Variants in BTAF1 observed in about 807,000 individuals in gnomAD.
BTAF1 encodes B-TFIID TATA-box binding protein associated factor 1.
A neutral mutation model predicts 227.1 loss-of-function variants in BTAF1; 38 were observed. That is an observed-to-expected ratio of 0.17 (90% CI 0.13 to 0.22). The LOEUF is 0.22. Among genes scored for constraint, BTAF1 ranks in the 10% least tolerant of loss-of-function variants. The pLI, the probability that BTAF1 is intolerant of heterozygous loss-of-function variation, is 1.00. For missense variants in BTAF1, 1,598 were observed against 2,204.0 expected (o/e 0.73, Z 5.51); for synonymous variants, 742 against 751.9 (o/e 0.99, Z 0.21).
At chr10:92,009,452 G>A (rs1850155617) in intron 28 of BTAF1, among the ~76,000 whole-genome samples, 1 of 152,194 alleles carries the variant, frequency 6.6e-6, no homozygotes, top group African/African-American at 2.4e-5. Flanking sequence ...AGGAACCAAA[G>A]CCATTTTGTA....
chr10:91,950,776 C>T (rs1050709138), intron 4 of BTAF1, among the ~76,000 whole-genome samples: 30 of 150,284 alleles, frequency 2.0e-4, no homozygotes, highest in African/African-American at 7.3e-4. Flanking sequence ...TGAGAGCTTT[C>T]GTAGGAGGTA....
At position 91,957,232 on chromosome 10, in the gene BTAF1, A is replaced by G. The variant is rs145741532; in HGVS notation, c.839A>G (p.Glu280Gly). Residue 280 changes from glutamate (E) to glycine (G), a missense_variant, in exon 8 of 38, where the codon GAA (glutamate) becomes GGA (glycine). By Grantham distance (98) the Glu-to-Gly change is moderately conservative. This residue lies in a region of BTAF1 where 298 missense variants were observed against 395.2 expected (regional missense o/e 0.75). Coordinates refer to ENST00000265990, the MANE Select transcript of BTAF1 (RefSeq NM_003972.3). The part of the protein sequence containing the change: ...DSSSLIEETN[E>G]WPLESFCEEL... ...TCTGTTTTTCTTATTCAGACAAATG[A>G]ATGGCCTTTGGAAAGCTTTTGTGAA... is the stretch of plus-strand genomic sequence containing the variant. The G allele has an allele frequency of 1.9e-6, 3 of 1,612,470 alleles. No homozygotes were observed. The highest frequency in any genetic ancestry group is 2.7e-5 in the African/African-American group (2 of 74,900).
At chr10:92,000,696 T>C (rs1254373055) in intron 25 of BTAF1, among the ~76,000 whole-genome samples, 1 of 152,088 alleles carries the variant, frequency 6.6e-6, no homozygotes, top group Non-Finnish European at 1.5e-5. Context: ...TAGCTGAGAT[T>C]ACAGGTGCTG....
At chr10:92,017,054 T>C (rs911274644) in intron 33 of BTAF1, among the ~76,000 whole-genome samples, 1 of 152,224 alleles carries the variant, frequency 6.6e-6, no homozygotes, top group African/African-American at 2.4e-5. Flanking sequence ...TACATGGCAG[T>C]AATTTTTCAA....
intron 25 of BTAF1, among the ~76,000 whole-genome samples, chr10:92,007,286 T>G (rs964004573): frequency 1.5e-5 from 2 of 134,548 alleles, no homozygotes; most frequent in Non-Finnish European, 3.1e-5. Flanking sequence ...TGGCACAATC[T>G]CAGCTCACTG....
chr10:92,002,017 C>A (rs1156435889), intron 25 of BTAF1, among the ~76,000 whole-genome samples: 1 of 74,966 alleles, frequency 1.3e-5, no homozygotes, highest in Non-Finnish European at 3.4e-5. Context: ...CACACACACT[C>A]CATATATTCA....
intron 4 of BTAF1, among the ~76,000 whole-genome samples, chr10:91,948,209 CCAA>C (rs1373833805): frequency 6.9e-6 from 1 of 145,396 alleles, no homozygotes; most frequent in Non-Finnish European, 1.5e-5. Flanking sequence ...CCCCCTGTGT[CCAA>C]GTGTTCTCAT....
Position 91,951,467 on chromosome 10 carries a change from T to G in BTAF1, c.465T>G (p.Leu155=). The change falls in exon 5 of 38, where the codon CTT becomes CTG. Residue 155 remains leucine, a synonymous_variant. Transcript: ENST00000265990. ...AATTATTACAGAAGAAACTTGGCCT[T>G]AATATGGGAGAAGCAATTGGAATGA... ...QRKLLQKKLG[L]NMGEAIGMST... is the part of the protein sequence containing the mutation. 6.2e-7 allele frequency: 1 copy of G among 1,613,524 alleles called. No individual in the cohort carries two copies. The highest frequency in any genetic ancestry group is 1.1e-5 in the South Asian group (1 of 90,946).
intron 35 of BTAF1, 39 bp downstream of exon 35, chr10:92,025,006 A>G: frequency 6.5e-7 from 1 of 1,531,434 alleles, no homozygotes; most frequent in South Asian, 1.2e-5. Flanking sequence ...AAATAAATAT[A>G]TTATTACTTA....
Position 91,973,686 on chromosome 10 carries a change from C to T in BTAF1, c.1651-6768C>T, listed in dbSNP as rs1273613396. Among the ~76,000 whole-genome samples the T allele has an allele frequency of 3.3e-5, 5 of 151,582 alleles. No homozygotes were observed. The East Asian group carries it at 5.8e-4, about 18-fold the overall frequency. On this transcript the variant is annotated intron_variant, in intron 14 of 37. Coordinates refer to ENST00000265990, the MANE Select transcript of BTAF1 (RefSeq NM_003972.3). ...TTGGGAGGCCGAGGCGGGCGGATCA[C>T]GAGGTCAGGAGATCGAGACCATCCC...
In BTAF1 at chr10:92,016,402, T is replaced by C. The variant is rs1310472761; in HGVS notation, c.4647T>C (p.Ser1549=). Residue 1549 remains serine (S), a synonymous_variant, in exon 33 of 38, where the codon TCT becomes TCC. Coordinates refer to ENST00000265990, the MANE Select transcript of BTAF1 (RefSeq NM_003972.3). ...RAKCDVDETV[S]SATLSEETEK... ...AGTGTGATGTTGATGAAACAGTTTC[T>C]TCAGCTACACTTTCTGAAGAAACTG... 3.1e-6 allele frequency: 5 copies of C among 1,601,886 alleles called. No homozygotes were observed. Among genetic ancestry groups the C allele is most frequent in the Non-Finnish European group, 4.3e-6 (5 of 1,174,940 alleles).
At chr10:92,006,296 T>C (rs1212284708) in intron 25 of BTAF1, among the ~76,000 whole-genome samples, 1 of 152,226 alleles carries the variant, frequency 6.6e-6, no homozygotes, top group African/African-American at 2.4e-5. Context: ...TAATTGTGGA[T>C]ATTATTTTAT....
At position 91,992,144 on chromosome 10, in the gene BTAF1, G is replaced by A; in HGVS notation, c.2880G>A (p.Met960Ile). 1 of 1,599,778 alleles carries A rather than the reference G, an allele frequency of 6.3e-7. No homozygotes were observed. The highest frequency in any genetic ancestry group is 8.5e-7 in the Non-Finnish European group (1 of 1,174,144). ...SKGSTSEKDG[M>I]HHTVTKHRGI... ...GATCCACCTCAGAAAAAGATGGAAT[G>A]CACCATACTGTCACCAAGCACAGAG... is the stretch of plus-strand genomic sequence containing the variant. Residue 960 changes from methionine to isoleucine, a missense_variant, in exon 21 of 38, where the codon ATG (methionine) becomes ATA (isoleucine). By Grantham distance (10) the Met-to-Ile change is conservative. Coordinates refer to ENST00000265990, the MANE Select transcript of BTAF1 (RefSeq NM_003972.3).
intron 20 of BTAF1, among the ~76,000 whole-genome samples, 182 bp downstream of exon 20, chr10:91,989,762 C>T (rs991027559): frequency 6.6e-6 from 1 of 152,146 alleles, no homozygotes; most frequent in African/African-American, 2.4e-5. Context: ...ACTTACCAGT[C>T]ACAACCCTGT....
chr10:91,926,135 A>G (rs1843809611), intron 1 of BTAF1, among the ~76,000 whole-genome samples: 1 of 152,172 alleles, frequency 6.6e-6, no homozygotes, highest in South Asian at 2.1e-4. Context: ...GGCCTTCTCC[A>G]TGCACGAAGC....
Position 92,024,751 on chromosome 10 carries a change from C to G in BTAF1, c.4864-5C>G. On this transcript the variant is annotated splice_polypyrimidine_tract_variant and splice_region_variant and intron_variant, in intron 34 of 37. Transcript: ENST00000265990. ...TATGTAGTTTTTTTTTTTTTTCTTC[C>G]TAAGTTGCTGTTGGACTGCGGTTTG... 1 of 977,770 alleles carries G rather than the reference C, an allele frequency of 1.0e-6. No homozygotes were observed. The highest frequency in any genetic ancestry group is 1.4e-6 in the Non-Finnish European group (1 of 729,788). 60.6% of individuals were successfully genotyped at this position (977,770 alleles called of 1,614,324 possible).
In BTAF1 at chr10:92,030,134, G is replaced by A. The variant is rs1564730696; in HGVS notation, c.*1201G>A. On this transcript the variant is annotated 3_prime_UTR_variant, in exon 38 of 38. Coordinates refer to ENST00000265990, the MANE Select transcript of BTAF1 (RefSeq NM_003972.3). ...ATAAACATCCCCAAGGTTTGTGGCT[G>A]GCCATACACATAGGCATCAGTTTAA... The A allele has an allele frequency of 6.6e-6, 1 of 152,512 alleles. No individual in the cohort carries two copies. Among genetic ancestry groups the A allele is most frequent in the Non-Finnish European group, 1.5e-5 (1 of 67,960 alleles). The allele number at this position is 152,512 out of a possible 1,614,324, so 9.4% of individuals were successfully genotyped here.
rs141372719 is a variant in BTAF1, at chr10:91,934,011, T to C, written c.15-1646T>C. 2.0e-5 allele frequency among the ~76,000 whole-genome samples: 3 copies of C among 152,328 alleles called. No individual in the cohort carries two copies. In the East Asian group the frequency reaches 5.8e-4, roughly 29 times the overall value. ...TGTCTGACTGACTGTTCACCAATCC[T>C]ATAGCAAAAGCCAGTGAATGAATGG... On this transcript the variant is annotated intron_variant, in intron 1 of 37. Transcript: ENST00000265990.
Position 91,923,828 on chromosome 10 carries a change from A to G in BTAF1, c.-249A>G, listed in dbSNP as rs1843642506. 9.2e-6 allele frequency: 4 copies of G among 433,136 alleles called. No individual in the cohort carries two copies. The South Asian group carries it at 2.0e-4, about 21-fold the overall frequency. The allele number at this position is 433,136 out of a possible 1,614,324, so 26.8% of individuals were successfully genotyped here. A position where few individuals can be genotyped will look rare whatever the true frequency, so the allele number is the denominator to read the frequency against. ...GCGGAGCTGAGGGTACCCGGTTTGAAGTCGTGCGGGTCGGAGGACTGCCGC... is the reference window on the plus strand; with the variant it reads ...GCGGAGCTGAGGGTACCCGGTTTGAGGTCGTGCGGGTCGGAGGACTGCCGC... On this transcript the variant is annotated 5_prime_UTR_variant, in exon 1 of 38. Coordinates refer to ENST00000265990, the MANE Select transcript of BTAF1 (RefSeq NM_003972.3).
Sources: gnomAD v4.1 joint callset for allele counts (sites outside exome capture counted in the v4.1 genomes callset) on GRCh38, gnomAD v4.1.1 for gene constraint, gnomAD v4.1.1 regional missense constraint, MANE v1.5 for transcripts, NCBI Gene and HGNC (gene_info 2026-07-23, HGNC 2026-07-21) for gene names.